The following ASIC2 variants were observed in gnomAD, a reference collection of about 807,000 sequenced individuals.
ASIC2 encodes acid-sensing ion channel 2.
In ASIC2, 25 loss-of-function variants were observed where a neutral mutation model predicts 57.3. That is an observed-to-expected ratio of 0.44 (90% CI 0.32 to 0.61). ASIC2 has a LOEUF of 0.61. Among genes scored for constraint, ASIC2 ranks in the 20% least tolerant of loss-of-function variants. The probability of loss-of-function intolerance (pLI) is 0.06; values close to 1 mark genes in which losing one functional copy is unlikely to be tolerated. For synonymous variants in ASIC2, 319 were observed against 307.5 expected, an observed-to-expected ratio of 1.04 and a Z score of -0.39; for missense variants, 641 against 738.1, an observed-to-expected ratio of 0.87 and a Z score of 1.52.
intron 1 of ASIC2, among the ~76,000 whole-genome samples, chr17:33,371,704 T>C (rs1255188340): frequency 6.6e-6 from 1 of 152,168 alleles, no homozygotes; most frequent in African/African-American, 2.4e-5. Flanking sequence ...GGATTTTTTT[T>C]TTTAACAGGG....
rs1025314083 is a variant in ASIC2, at chr17:33,338,051, G to A, written c.556-225984C>T. Among the ~76,000 whole-genome samples the A allele has an allele frequency of 4.6e-5, 7 of 152,276 alleles. No homozygotes were observed. In the East Asian group the frequency reaches 1.2e-3, roughly 25 times the overall value. ...GGTGTTCTGGAAGGGCAAAGAGGAT[G>A]GAGATGTTCCTTCTGAGGTGTTCTG... is the stretch of plus-strand genomic sequence containing the variant. On this transcript the variant is annotated intron_variant, in intron 1 of 9. Coordinates refer to the ASIC2 transcript ENST00000359872.
chr17:33,166,869 T>C (rs1429625380), intron 1 of ASIC2, among the ~76,000 whole-genome samples: 3 of 152,228 alleles, frequency 2.0e-5, no homozygotes, highest in Non-Finnish European at 4.4e-5. Context: ...CAATGATTTG[T>C]TTGTTTCCAC....
chr17:33,066,794 A>C (rs2092045269), intron 3 of ASIC2, among the ~76,000 whole-genome samples: 1 of 152,092 alleles, frequency 6.6e-6, no homozygotes, highest in African/African-American at 2.4e-5. Flanking sequence ...TTCAACAAAC[A>C]TTTCCTAGAT....
At chr17:33,945,065 T>C (rs1904331030) in intron 1 of ASIC2, among the ~76,000 whole-genome samples, 1 of 152,238 alleles carries the variant, frequency 6.6e-6, no homozygotes, top group Admixed American at 6.5e-5. Context: ...TGATTGCTGC[T>C]GCCTGCTGTA....
chr17:33,846,877 T>A (rs1490154759), intron 1 of ASIC2, among the ~76,000 whole-genome samples: 1 of 151,992 alleles, frequency 6.6e-6, no homozygotes, highest in Admixed American at 6.6e-5. Context: ...AAGTCTACGG[T>A]CTCTTCCCTG....
At chr17:33,615,547 G>C (rs982721958) in intron 1 of ASIC2, among the ~76,000 whole-genome samples, 1 of 152,118 alleles carries the variant, frequency 6.6e-6, no homozygotes, top group Non-Finnish European at 1.5e-5. Context: ...ACTGCTAAGA[G>C]GCTAAGGTCT....
At chr17:33,824,886 A>T (rs575573083) in intron 1 of ASIC2, among the ~76,000 whole-genome samples, 1 of 152,306 alleles carries the variant, frequency 6.6e-6, no homozygotes, top group Admixed American at 6.5e-5. Context: ...TTTATAAATT[A>T]GCCAGTCTCG....
intron 1 of ASIC2, among the ~76,000 whole-genome samples, chr17:33,922,315 C>A (rs1915725141): frequency 6.6e-6 from 1 of 152,056 alleles, no homozygotes; most frequent in African/African-American, 2.4e-5. Flanking sequence ...CTCCTTCCTT[C>A]CTTCCTTCCT....
At chr17:33,776,412 T>C (rs1436281071) in intron 1 of ASIC2, among the ~76,000 whole-genome samples, 2 of 152,186 alleles carry the variant, frequency 1.3e-5, no homozygotes, top group Non-Finnish European at 2.9e-5. Flanking sequence ...GGCATCTTGG[T>C]CTTGGTTTCC....
chr17:33,616,221 C>A (rs1388500562), intron 1 of ASIC2, among the ~76,000 whole-genome samples: 2 of 129,472 alleles, frequency 1.5e-5, no homozygotes, highest in Non-Finnish European at 3.1e-5. Context: ...GAAATCAAGT[C>A]TTCTCCTTCT....
chr17:33,839,576 A>T (rs1029559171), intron 1 of ASIC2, among the ~76,000 whole-genome samples: 1 of 152,144 alleles, frequency 6.6e-6, no homozygotes, highest in Non-Finnish European at 1.5e-5. Context: ...TAGGGTGACC[A>T]ATTGTCCCCA....
chr17:33,974,166 G>A (rs1386177980), intron 1 of ASIC2, among the ~76,000 whole-genome samples: 1 of 152,040 alleles, frequency 6.6e-6, no homozygotes, highest in Non-Finnish European at 1.5e-5. Flanking sequence ...GAAGCTCTGG[G>A]AAGTGGAAAG....
intron 3 of ASIC2, 86 bp from the exon 4 acceptor site, chr17:33,028,478 T>C (rs1473267497): frequency 1.2e-5 from 18 of 1,516,988 alleles, no homozygotes; most frequent in Non-Finnish European, 1.5e-5. Context: ...CAAACAATTA[T>C]TGAGCATTTA....
At chr17:33,068,564 C>CA (rs1319892518) in intron 3 of ASIC2, among the ~76,000 whole-genome samples, 14 of 151,604 alleles carry the variant, frequency 9.2e-5, no homozygotes, top group African/African-American at 3.4e-4. Flanking sequence ...CAAAACAAAA[C>CA]AAACCCAAAA....
At chr17:33,731,043 C>T (rs766722018) in intron 1 of ASIC2, among the ~76,000 whole-genome samples, 15 of 152,156 alleles carry the variant, frequency 9.9e-5, no homozygotes, top group African/African-American at 2.2e-4. Flanking sequence ...AATGGATGCT[C>T]GGATGCCCCA....
chr17:33,674,118 C>T lies in ASIC2; in HGVS notation c.555+481860G>A, dbSNP rs555899137. ...CCATGTTGGCCAGGCTGGTCTTGAT[C>T]TCTCGACTTCGTGATCCGCCCACCT... On this transcript the variant is annotated intron_variant, in intron 1 of 9. Coordinates refer to the ASIC2 transcript ENST00000359872. Among the ~76,000 whole-genome samples the T allele has an allele frequency of 1.4e-4, 21 of 152,242 alleles. No individual in the cohort carries two copies. The South Asian group carries it at 1.9e-3, about 14-fold the overall frequency.
At chr17:33,171,914 G>T (rs1279845248) in intron 1 of ASIC2, among the ~76,000 whole-genome samples, 1 of 152,186 alleles carries the variant, frequency 6.6e-6, no homozygotes, top group Non-Finnish European at 1.5e-5. Flanking sequence ...TGCTAGCCCA[G>T]TTAAATTCTC....
chr17:33,622,929 T>A (rs1267822549), intron 1 of ASIC2, among the ~76,000 whole-genome samples: 5 of 152,218 alleles, frequency 3.3e-5, no homozygotes, highest in Admixed American at 1.3e-4. Context: ...TTCCCAAAAA[T>A]GAGAGCCCAG....
At chr17:33,578,896 C>T (rs1032263841) in intron 1 of ASIC2, among the ~76,000 whole-genome samples, 4 of 152,212 alleles carry the variant, frequency 2.6e-5, no homozygotes, top group Admixed American at 2.0e-4. Flanking sequence ...AACCCTGCCA[C>T]AGCAGGCAAG....
Sources: allele counts gnomAD v4.1 joint callset (sites outside exome capture counted in the v4.1 genomes callset), GRCh38; gene constraint gnomAD v4.1.1; transcripts MANE v1.5; gene names NCBI Gene and HGNC (gene_info 2026-07-23, HGNC 2026-07-21).